The following DTNB variants were observed in gnomAD, a reference collection of about 807,000 sequenced individuals.
DTNB encodes DTN-B.
Under a neutral mutation model 90.7 loss-of-function variants are expected in DTNB, and 63 were observed. The ratio of observed to expected loss-of-function variants is 0.69; its 90% CI spans 0.57 to 0.86. The LOEUF is 0.86. Among genes scored for constraint, DTNB ranks in the 40% least tolerant of loss-of-function variants. DTNB has a pLI of 0.00. For missense variants in DTNB, 744 were observed against 807.1 expected (o/e 0.92, Z 0.95); for synonymous variants, 277 against 286.7 (o/e 0.97, Z 0.34).
intron 4 of DTNB, among the ~76,000 whole-genome samples, chr2:25,627,327 G>A (rs1477834201): frequency 5.3e-5 from 8 of 151,996 alleles, no homozygotes; most frequent in African/African-American, 9.7e-5. Flanking sequence ...CAGGAGAATC[G>A]CTTGAACCCG....
intron 1 of DTNB, among the ~76,000 whole-genome samples, chr2:25,662,651 TACAC>T (rs371062484): frequency 7.9e-4 from 102 of 129,332 alleles, no homozygotes; most frequent in African/African-American, 2.9e-3. Flanking sequence ...AATATACAAA[TACAC>T]ACACACACAC....
intron 2 of DTNB, among the ~76,000 whole-genome samples, chr2:25,644,086 A>C (rs914260183): frequency 1.8e-4 from 27 of 152,246 alleles, no homozygotes; most frequent in Non-Finnish European, 7.3e-5. Flanking sequence ...AGGCATGAAT[A>C]ATCCACCTCT....
intron 9 of DTNB, among the ~76,000 whole-genome samples, chr2:25,520,351 G>A (rs1350871794): frequency 1.3e-5 from 2 of 152,156 alleles, no homozygotes; most frequent in African/African-American, 4.8e-5. Flanking sequence ...CAGCCTGGGC[G>A]ACAGAGCAAG....
intron 9 of DTNB, among the ~76,000 whole-genome samples, chr2:25,503,746 C>G (rs1273003279): frequency 6.6e-6 from 1 of 151,482 alleles, no homozygotes; most frequent in Non-Finnish European, 1.5e-5. Flanking sequence ...AACCCCATCT[C>G]TACTAAAAAC....
Position 25,451,635 on chromosome 2 carries a change from A to G in DTNB, c.1170T>C (p.Arg390=), listed in dbSNP as rs765352563. 4 of 1,577,258 alleles carry G rather than the reference A, an allele frequency of 2.5e-6. No individual in the cohort carries two copies. Among genetic ancestry groups the G allele is most frequent in the Non-Finnish European group, 3.5e-6 (4 of 1,159,272 alleles). Residue 390 remains arginine, a splice_region_variant and synonymous_variant, in exon 12 of 21, where the codon CGT becomes CGC. Coordinates refer to ENST00000406818, the MANE Select transcript of DTNB (RefSeq NM_021907.5). ...SYVARLQHCA[R]VLDSPSRLDE... ...CCAGTCGGCTAGGACTGTCCAGAACACTGCCAAGGAAATAAAAATGCAACA... is the reference window on the plus strand; with the variant it reads ...CCAGTCGGCTAGGACTGTCCAGAACGCTGCCAAGGAAATAAAAATGCAACA...
At position 25,576,980 on chromosome 2, in the gene DTNB, T is replaced by G; in HGVS notation, c.734A>C (p.Tyr245Ser). 1 of 1,609,198 alleles carries G rather than the reference T, an allele frequency of 6.2e-7. No individual in the cohort carries two copies. The change falls in exon 8 of 21, where the codon TAC (tyrosine) becomes TCC (serine). Residue 245 changes from tyrosine to serine, a missense_variant. Physicochemically the swap from Tyr to Ser is moderately radical, Grantham distance 144. Transcript: ENST00000406818. The stretch of plus-strand genomic sequence containing the variant: ...ACCCATCATACTCTCACATCGGCAG[T>G]AGGAGCACTCCACGGGATGGAAGAC... Reference protein sequence around the residue: ...ENVFHPVECSYCRCESMMGFR... With the variant: ...ENVFHPVECSSCRCESMMGFR...
At chr2:25,427,395 G>T in intron 15 of DTNB, 140 bp downstream of exon 15, 2 of 721,628 alleles carry the variant, frequency 2.8e-6, no homozygotes, top group South Asian at 2.2e-5. Flanking sequence ...TACCCAATTA[G>T]GCTAAATTTA....
intron 16 of DTNB, among the ~76,000 whole-genome samples, chr2:25,389,785 C>T (rs2040557099): frequency 6.6e-6 from 1 of 151,956 alleles, no homozygotes; most frequent in Non-Finnish European, 1.5e-5. Flanking sequence ...AGTGCTTCAA[C>T]CGTGTGGCCA....
At chr2:25,493,267 A>C (rs1382515864) in intron 9 of DTNB, among the ~76,000 whole-genome samples, 8 of 152,188 alleles carry the variant, frequency 5.3e-5, no homozygotes, top group Non-Finnish European at 8.8e-5. Context: ...CAAAGGAGGT[A>C]ACCATTTTAA....
intron 19 of DTNB, among the ~76,000 whole-genome samples, chr2:25,380,659 G>A (rs559336078): frequency 6.6e-6 from 1 of 152,388 alleles, no homozygotes; most frequent in East Asian, 1.9e-4. Context: ...AGACAGGGCA[G>A]TGCAGGTGTA....
At chr2:25,476,065 ATTTTT>A (rs35073594) in intron 10 of DTNB, among the ~76,000 whole-genome samples, 4 of 127,818 alleles carry the variant, frequency 3.1e-5, no homozygotes, top group Non-Finnish European at 4.9e-5. Flanking sequence ...TCAAGAAGTA[ATTTTT>A]TTTTTTTTTT....
chr2:25,623,864 A>T (rs2073444954), intron 4 of DTNB, among the ~76,000 whole-genome samples: 1 of 152,102 alleles, frequency 6.6e-6, no homozygotes. Flanking sequence ...GTAAACCAAA[A>T]ATAAAATTCA....
intron 9 of DTNB, among the ~76,000 whole-genome samples, chr2:25,496,980 G>C (rs1326935403): frequency 3.3e-5 from 5 of 152,092 alleles, no homozygotes; most frequent in Non-Finnish European, 7.4e-5. Flanking sequence ...AAATATAAAG[G>C]CGAAGAATAA....
chr2:25,567,172 C>T (rs1485156851), intron 8 of DTNB, among the ~76,000 whole-genome samples: 1 of 152,188 alleles, frequency 6.6e-6, no homozygotes, highest in African/African-American at 2.4e-5. Flanking sequence ...AAAAAATTGT[C>T]TAGTTTTGTA....
chr2:25,568,727 C>T (rs2059399215), intron 8 of DTNB, among the ~76,000 whole-genome samples: 1 of 152,204 alleles, frequency 6.6e-6, no homozygotes, highest in African/African-American at 2.4e-5. Flanking sequence ...CAAACAGATA[C>T]TGGGTAGAAG....
intron 9 of DTNB, among the ~76,000 whole-genome samples, chr2:25,494,275 G>T (rs1276952242): frequency 1.3e-5 from 2 of 152,152 alleles, no homozygotes; most frequent in Non-Finnish European, 2.9e-5. Context: ...GACACTACTT[G>T]TATCTGCTTC....
intron 2 of DTNB, chr2:25,650,314 A>G (rs2080589847): frequency 5.7e-6 from 5 of 873,666 alleles, no homozygotes; most frequent in Non-Finnish European, 6.9e-6. Context: ...TCTCCTCTGT[A>G]GCCCTAGCAC....
rs115213722 is a variant in DTNB, at chr2:25,462,197, C to G, written c.1080-6703G>C. Reference sequence around the variant, plus strand: ...TGCATTCCAGTGTGAGAACTGCTCTCTAAGAGATGGTGATAATATCTCGTG... The same window carrying G: ...TGCATTCCAGTGTGAGAACTGCTCTGTAAGAGATGGTGATAATATCTCGTG... On this transcript the variant is annotated intron_variant, in intron 10 of 20. Coordinates refer to ENST00000406818, the MANE Select transcript of DTNB (RefSeq NM_021907.5). Among the ~76,000 whole-genome samples the G allele has an allele frequency of 2.0e-3, 307 of 152,248 alleles. 2 individuals are homozygous for G. Among genetic ancestry groups the G allele is most frequent in the Middle Eastern group, 0.01 (3 of 294 alleles).
Position 25,650,341 on chromosome 2 carries a change from A to G in DTNB, c.67+2253T>C, listed in dbSNP as rs186868452. On this transcript the variant is annotated intron_variant, in intron 2 of 20. Coordinates refer to ENST00000406818, the MANE Select transcript of DTNB (RefSeq NM_021907.5). ...CCCTAGCACCCAGAATAGTGCCTGG[A>G]GCATAGCAGATCCTCAATAAATGCA... The G allele has an allele frequency of 1.3e-5, 8 of 597,928 alleles. No individual in the cohort carries two copies. In the Admixed American group the frequency reaches 4.4e-4, roughly 33 times the overall value. 37.0% of individuals were successfully genotyped at this position (597,928 alleles called of 1,614,324 possible).
Sources: gnomAD v4.1 joint callset for allele counts (sites outside exome capture counted in the v4.1 genomes callset) on GRCh38, gnomAD v4.1.1 for gene constraint, MANE v1.5 for transcripts, NCBI Gene and HGNC (gene_info 2026-07-23, HGNC 2026-07-21) for gene names.